Variants in ZNF469 observed in about 807,000 individuals in gnomAD.
ZNF469 encodes zinc finger protein 469.
A neutral mutation model predicts 1.0 loss-of-function variants in ZNF469; 1 was observed. The ratio of observed to expected loss-of-function variants is 1.00; its 90% CI spans 0.35 to 4.73. ZNF469 has a LOEUF of 4.73. ZNF469 is among the 30% of genes most tolerant of loss of function. The probability of loss-of-function intolerance (pLI) is 0.16; values close to 1 mark genes in which losing one functional copy is unlikely to be tolerated. For missense variants in ZNF469, 6,100 were observed against 5,356.3 expected (o/e 1.14, Z -4.33); for synonymous variants, 2,703 against 2,363.4 (o/e 1.14, Z -4.17).
the ZNF469 span, among the ~76,000 whole-genome samples, chr16:88,348,044 G>A: frequency 6.6e-6 from 1 of 152,270 alleles, no homozygotes; most frequent in East Asian, 1.9e-4. Flanking sequence ...GGTGGGCGGA[G>A]CATGGTCGTG....
At chr16:88,414,707 C>A (rs1164499198) in intron 1 of ZNF469, among the ~76,000 whole-genome samples, 1 of 152,250 alleles carries the variant, frequency 6.6e-6, no homozygotes, top group Non-Finnish European at 1.5e-5. Context: ...AAGGACGTCC[C>A]AGTGGGGGGT....
chr16:88,205,943 G>A, the ZNF469 span, among the ~76,000 whole-genome samples: 12 of 149,488 alleles, frequency 8.0e-5, no homozygotes, highest in Non-Finnish European at 1.5e-4. This position sits in a 1 kb window ranked among gnomAD's most constrained non-coding sequence, Gnocchi z 4.2. Context: ...GAGCAGTGGA[G>A]GGTTTCAGAG....
chr16:88,262,645 TC>T, the ZNF469 span, among the ~76,000 whole-genome samples: 1 of 151,700 alleles, frequency 6.6e-6, no homozygotes, highest in East Asian at 1.9e-4. The surrounding 1 kb of genome is among the most constrained non-coding windows in gnomAD (Gnocchi z 4.3). Context: ...CCTATTGGGG[TC>T]CCCTCCTGGG....
At chr16:88,420,826 A>T (rs1235724901) in intron 1 of ZNF469, among the ~76,000 whole-genome samples, 2 of 152,206 alleles carry the variant, frequency 1.3e-5, no homozygotes, top group African/African-American at 4.8e-5. Context: ...ACGGGCTCAG[A>T]GAGGCTGGGA....
At chr16:88,140,217 T>C in the ZNF469 span, among the ~76,000 whole-genome samples, 6 of 152,106 alleles carry the variant, frequency 3.9e-5, no homozygotes, top group African/African-American at 1.4e-4. Context: ...AAAAAAAAAC[T>C]TTGGCTATAT....
chr16:88,381,241 C>A (rs2092523717), upstream of ZNF469, among the ~76,000 whole-genome samples: 1 of 150,416 alleles, frequency 6.6e-6, no homozygotes, highest in African/African-American at 2.5e-5. Flanking sequence ...CACGCACTCA[C>A]AGACATGCAC....
At chr16:88,385,193 G>A (rs868391564) in intron 1 of ZNF469, among the ~76,000 whole-genome samples, 13 of 152,208 alleles carry the variant, frequency 8.5e-5, no homozygotes, top group Middle Eastern at 3.4e-3. Context: ...ACACCAGGGT[G>A]GCCTGGAAGC....
the ZNF469 span, among the ~76,000 whole-genome samples, chr16:88,110,155 C>T: frequency 6.6e-6 from 1 of 152,226 alleles, no homozygotes; most frequent in African/African-American, 2.4e-5. Context: ...GTCACACACA[C>T]GTCCAGCTGC....
At chr16:88,171,247 C>G in the ZNF469 span, among the ~76,000 whole-genome samples, 2 of 152,230 alleles carry the variant, frequency 1.3e-5, no homozygotes, top group South Asian at 2.1e-4. Context: ...TTGGCCTGTT[C>G]TAGCCCCAGC....
the ZNF469 span, among the ~76,000 whole-genome samples, chr16:88,183,363 G>T: frequency 1.3e-5 from 2 of 152,194 alleles, no homozygotes; most frequent in African/African-American, 4.8e-5. Flanking sequence ...GTCTAAAGTG[G>T]CTTCACTCAC....
the ZNF469 span, among the ~76,000 whole-genome samples, chr16:88,202,298 C>G: frequency 1.3e-5 from 2 of 152,216 alleles, no homozygotes; most frequent in Non-Finnish European, 2.9e-5. Flanking sequence ...CTGAACACAG[C>G]CCAGGAGCTT....
At chr16:88,116,919 CGT>C in the ZNF469 span, among the ~76,000 whole-genome samples, 12 of 151,678 alleles carry the variant, frequency 7.9e-5, no homozygotes, top group Non-Finnish European at 1.5e-4. Flanking sequence ...CGAATCTACA[CGT>C]GTGATAAAAT....
At chr16:88,251,548 T>G in the ZNF469 span, among the ~76,000 whole-genome samples, 10 of 25,644 alleles carry the variant, frequency 3.9e-4, no homozygotes, top group Non-Finnish European at 7.1e-4. Context: ...CTTTTTTTTT[T>G]TTTTTTTTTT....
the ZNF469 span, among the ~76,000 whole-genome samples, chr16:88,140,458 CG>C: frequency 1.3e-5 from 2 of 151,076 alleles, no homozygotes; most frequent in African/African-American, 2.4e-5. Context: ...ACGTAGAAAT[CG>C]GGGGGTAGCA....
At position 88,429,411 on chromosome 16, in the gene ZNF469, C is replaced by T. The variant is rs1242677379; in HGVS notation, c.1941C>T (p.Pro647=). The T allele has an allele frequency of 1.3e-6, 2 of 1,548,148 alleles. No individual in the cohort carries two copies. Among genetic ancestry groups the T allele is most frequent in the South Asian group, 2.4e-5 (2 of 84,026 alleles). Residue 647 remains proline, a synonymous_variant, in exon 3 of 3, where the codon CCC becomes CCT. Coordinates refer to ENST00000565624, the MANE Select transcript of ZNF469 (RefSeq NM_001367624.2). ...CTCACCCCCAGGAGACGGGCAGCCC[C>T]TTCCCGTCCCCGGAGCCCCCCCACT... The part of the protein sequence containing the change: ...PPTHPQETGS[P]FPSPEPPHSL...
At chr16:88,277,585 A>T in the ZNF469 span, among the ~76,000 whole-genome samples, 1 of 145,632 alleles carries the variant, frequency 6.9e-6, no homozygotes, top group Non-Finnish European at 1.5e-5. Flanking sequence ...GGGCACGGTT[A>T]GTGCTGCACC....
At chr16:88,131,140 G>C in the ZNF469 span, among the ~76,000 whole-genome samples, 3 of 152,262 alleles carry the variant, frequency 2.0e-5, no homozygotes, top group Non-Finnish European at 2.9e-5. Context: ...TTTGGAACCA[G>C]TTGGCATTTT....
chr16:88,103,728 G>A, the ZNF469 span, among the ~76,000 whole-genome samples: 4 of 151,022 alleles, frequency 2.6e-5, no homozygotes, highest in Admixed American at 6.6e-5. Context: ...TCCATGGCAC[G>A]AGGGAGCGGT....
At position 88,435,851 on chromosome 16, in the gene ZNF469, C is replaced by A. The variant is rs202188220; in HGVS notation, c.8381C>A (p.Thr2794Lys). Residue 2794 changes from threonine to lysine, a missense_variant, in exon 3 of 3, where the codon ACG (threonine) becomes AAG (lysine). Thr to Lys is a moderately conservative substitution (Grantham distance 78, BLOSUM62 -1). Transcript: ENST00000565624. ...RSEEGVWEEN[T>K]PPLGPLGFPE... is the part of the protein sequence containing the mutation. ...GAGGAAGGTGTCTGGGAGGAGAACA[C>A]GCCCCCCTTGGGCCCCCTGGGTTTT... is the stretch of plus-strand genomic sequence containing the variant. 10 of 1,550,232 alleles carry A rather than the reference C, an allele frequency of 6.5e-6. 1 individual carries two copies. In the South Asian group the frequency reaches 1.2e-4, roughly 18 times the overall value.
Sources: allele counts gnomAD v4.1 joint callset (sites outside exome capture counted in the v4.1 genomes callset), GRCh38; gene constraint gnomAD v4.1.1; non-coding constraint Gnocchi (gnomAD v3.1); transcripts MANE v1.5; gene names NCBI Gene and HGNC (gene_info 2026-07-23, HGNC 2026-07-21).